LRP1B: variants seen among roughly 807,000 people sequenced by gnomAD.
The protein encoded by LRP1B is LDL receptor related protein 1B.
LRP1B carries 217 observed loss-of-function variants against 556.6 expected under a neutral mutation model. That is an observed-to-expected ratio of 0.39 (90% CI 0.35 to 0.44). The LOEUF is 0.44. Among genes scored for constraint, LRP1B ranks in the 20% least tolerant of loss-of-function variants. The pLI is 1.00. For missense variants in LRP1B, 5,053 were observed against 5,620.8 expected, an observed-to-expected ratio of 0.90 and a Z score of 3.23; for synonymous variants, 2,047 against 1,865.8, an observed-to-expected ratio of 1.10 and a Z score of -2.50.
At chr2:141,414,994 T>C (rs1691032342) in intron 3 of LRP1B, among the ~76,000 whole-genome samples, 1 of 151,960 alleles carries the variant, frequency 6.6e-6, no homozygotes. Context: ...ACAGCTACAC[T>C]CATTTCTAAT....
chr2:141,692,088 G>T (rs528762693), intron 2 of LRP1B, among the ~76,000 whole-genome samples: 1 of 151,968 alleles, frequency 6.6e-6, no homozygotes, highest in African/African-American at 2.4e-5. Context: ...GCAGATTTTG[G>T]TTCAAGTCAT....
intron 1 of LRP1B, among the ~76,000 whole-genome samples, chr2:142,016,494 A>T (rs1447105874): frequency 6.6e-6 from 1 of 152,226 alleles, no homozygotes; most frequent in East Asian, 1.9e-4. Flanking sequence ...AATACTATGC[A>T]GCCATAAAAA....
chr2:140,462,978 T>C (rs1352694020), intron 60 of LRP1B, among the ~76,000 whole-genome samples: 1 of 152,002 alleles, frequency 6.6e-6, no homozygotes, highest in Non-Finnish European at 1.5e-5. Flanking sequence ...GTAGAGAAGA[T>C]AGGGCATGAC....
intron 1 of LRP1B, among the ~76,000 whole-genome samples, chr2:141,891,216 G>T (rs894898426): frequency 6.6e-6 from 1 of 152,030 alleles, no homozygotes; most frequent in African/African-American, 2.4e-5. Context: ...GGGTGGAGAT[G>T]CATTGGAAAA....
At chr2:142,097,173 T>C (rs1706404663) in intron 1 of LRP1B, among the ~76,000 whole-genome samples, 2 of 151,724 alleles carry the variant, frequency 1.3e-5, no homozygotes, top group Admixed American at 6.6e-5. Context: ...TGAGGGATGA[T>C]TCTTTATGCA....
intron 3 of LRP1B, among the ~76,000 whole-genome samples, chr2:141,290,439 T>C (rs575484236): frequency 6.6e-6 from 1 of 152,266 alleles, no homozygotes; most frequent in South Asian, 2.1e-4. Flanking sequence ...TTAGTAAAAA[T>C]TATGACCATT....
At chr2:141,651,489 C>T (rs930779755) in intron 2 of LRP1B, among the ~76,000 whole-genome samples, 5 of 152,062 alleles carry the variant, frequency 3.3e-5, no homozygotes, top group African/African-American at 1.2e-4. Flanking sequence ...CATGGTGAAA[C>T]CCCATCTCTA....
chr2:140,295,172 C>G (rs1449420985), intron 84 of LRP1B, among the ~76,000 whole-genome samples: 3 of 152,224 alleles, frequency 2.0e-5, no homozygotes, highest in African/African-American at 7.2e-5. Context: ...GCCACTGCGC[C>G]TGGCTAATTA....
rs536273924 is a variant in LRP1B at position 141,348,196 on chromosome 2, G to A, written c.344-93555C>T. On this transcript the variant is annotated intron_variant, in intron 3 of 90. Coordinates refer to ENST00000389484, the MANE Select transcript of LRP1B (RefSeq NM_018557.3). ...CTTTTCCCGTTGTGTGGGTAAAAGG[G>A]AAATTTAGTGACAAATATGTACCTG... 9.9e-5 allele frequency among the ~76,000 whole-genome samples: 15 copies of A among 152,122 alleles called. No individual in the cohort carries two copies. In the South Asian group the frequency reaches 2.3e-3, roughly 23 times the overall value.
intron 6 of LRP1B, among the ~76,000 whole-genome samples, chr2:141,228,579 A>ATGTG (rs1339790628): frequency 1.2e-5 from 1 of 80,962 alleles, no homozygotes; most frequent in Non-Finnish European, 2.5e-5. Context: ...GTCTGTGTGT[A>ATGTG]TGAGTGTGTG....
chr2:140,488,423 C>G (rs1032838374), intron 57 of LRP1B, among the ~76,000 whole-genome samples: 1 of 151,980 alleles, frequency 6.6e-6, no homozygotes, highest in Non-Finnish European at 1.5e-5. Flanking sequence ...TCCCTTCAGA[C>G]TCATGGTTAT....
intron 35 of LRP1B, among the ~76,000 whole-genome samples, chr2:140,749,130 T>C (rs565126615): frequency 2.0e-5 from 3 of 151,812 alleles, no homozygotes; most frequent in Admixed American, 1.3e-4. Flanking sequence ...ACAGCAAAAA[T>C]ACAATATAAG....
At chr2:141,621,850 A>G (rs1196576038) in intron 2 of LRP1B, among the ~76,000 whole-genome samples, 1 of 152,100 alleles carries the variant, frequency 6.6e-6, no homozygotes, top group African/African-American at 2.4e-5. Context: ...AAAAATATAG[A>G]TGAAATATTA....
chr2:141,627,763 C>T (rs1250144803), intron 2 of LRP1B, among the ~76,000 whole-genome samples: 1 of 152,068 alleles, frequency 6.6e-6, no homozygotes, highest in Non-Finnish European at 1.5e-5. Flanking sequence ...AGAATGAATC[C>T]AAAGGTAAAC....
chr2:140,472,346 T>C (rs1687803928), intron 60 of LRP1B, among the ~76,000 whole-genome samples: 1 of 152,162 alleles, frequency 6.6e-6, no homozygotes, highest in Non-Finnish European at 1.5e-5. Flanking sequence ...TAGCATGTTT[T>C]TTACTGTATC....
chr2:141,881,479 G>A (rs549477223), intron 1 of LRP1B, among the ~76,000 whole-genome samples: 15 of 152,120 alleles, frequency 9.9e-5, no homozygotes, highest in Admixed American at 3.3e-4. Context: ...CTGAAAAATC[G>A]TTGTGAATGT....
At chr2:141,015,648 T>G in intron 13 of LRP1B, 48 bp downstream of exon 13, 1 of 1,406,810 alleles carries the variant, frequency 7.1e-7, no homozygotes, top group African/African-American at 1.4e-5. Context: ...CAAGGCTCTG[T>G]GAAAAAAAGA....
chr2:141,638,310 TC>T (rs1574175143), intron 2 of LRP1B, among the ~76,000 whole-genome samples: 1 of 152,272 alleles, frequency 6.6e-6, no homozygotes, highest in East Asian at 1.9e-4. Context: ...TTGGAAGCCC[TC>T]ATGGGAAGCC....
chr2:140,816,241 C>T (rs1478390441), intron 31 of LRP1B, among the ~76,000 whole-genome samples: 1 of 151,992 alleles, frequency 6.6e-6, no homozygotes, highest in Non-Finnish European at 1.5e-5. Context: ...CCTCAGCCTC[C>T]CAAGTGGCTG....
Sources: gnomAD v4.1 joint callset for allele counts (sites outside exome capture counted in the v4.1 genomes callset) on GRCh38, gnomAD v4.1.1 for gene constraint, MANE v1.5 for transcripts, NCBI Gene and HGNC (gene_info 2026-07-23, HGNC 2026-07-21) for gene names.